The following CACNB2 variants were observed in gnomAD, a reference collection of about 807,000 sequenced individuals.
CACNB2 encodes voltage-dependent L-type calcium channel subunit beta-2.
CACNB2 carries 42 observed loss-of-function variants against 73.3 expected under a neutral mutation model. That is an observed-to-expected ratio of 0.57 (90% CI 0.45 to 0.74). The LOEUF (loss-of-function observed/expected upper bound fraction) is 0.74. CACNB2 is among the 30% of genes least tolerant of loss of function. CACNB2 has a pLI of 0.00. For synonymous variants in CACNB2, 348 were observed against 310.3 expected, an observed-to-expected ratio of 1.12 and a Z score of -1.28; for missense variants, 940 against 853.0, an observed-to-expected ratio of 1.10 and a Z score of -1.27.
chr10:18,517,140 A>G (rs184293634), intron 7 of CACNB2, among the ~76,000 whole-genome samples: 1 of 152,328 alleles, frequency 6.6e-6, no homozygotes, highest in East Asian at 1.9e-4. Context: ...ACATCAGTGT[A>G]CTGAATTCTT....
At chr10:18,333,754 C>G (rs751373869) in intron 2 of CACNB2, among the ~76,000 whole-genome samples, 7 of 152,076 alleles carry the variant, frequency 4.6e-5, no homozygotes, top group Non-Finnish European at 8.8e-5. Context: ...GGCATAAACT[C>G]TAAATTGGGG....
chr10:18,407,440 T>C (rs1389901086), intron 3 of CACNB2, among the ~76,000 whole-genome samples: 1 of 152,068 alleles, frequency 6.6e-6, no homozygotes, highest in Non-Finnish European at 1.5e-5. Context: ...CTTTAAGTTT[T>C]TGATTTTTGT....
chr10:18,422,617 T>C (rs996947289), intron 3 of CACNB2, among the ~76,000 whole-genome samples: 2 of 152,140 alleles, frequency 1.3e-5, no homozygotes, highest in Admixed American at 6.5e-5. Context: ...TTTCACAGCA[T>C]ATTGGGTTAT....
intron 2 of CACNB2, among the ~76,000 whole-genome samples, chr10:18,379,821 G>A (rs1282006937): frequency 6.6e-6 from 1 of 152,000 alleles, no homozygotes; most frequent in African/African-American, 2.4e-5. Flanking sequence ...CAAGTGGCTG[G>A]GACTATAGGC....
At chr10:18,341,598 A>C (rs2041235086) in intron 2 of CACNB2, among the ~76,000 whole-genome samples, 1 of 151,788 alleles carries the variant, frequency 6.6e-6, no homozygotes, top group South Asian at 2.1e-4. Flanking sequence ...AAACATGCAC[A>C]AAAAAAACCC....
intron 10 of CACNB2, 70 bp downstream of exon 10, chr10:18,527,767 C>T (rs1274991001): frequency 1.0e-6 from 1 of 969,974 alleles, no homozygotes; most frequent in African/African-American, 1.6e-5. Context: ...GAAGACCTAA[C>T]AAGATGATAA....
At chr10:18,291,597 A>G (rs1006275246) in intron 2 of CACNB2, among the ~76,000 whole-genome samples, 5 of 152,186 alleles carry the variant, frequency 3.3e-5, no homozygotes, top group Admixed American at 6.5e-5. Flanking sequence ...GTTACTTATG[A>G]TATCTGTGTC....
In CACNB2 at chr10:18,539,862, T is replaced by C; in HGVS notation, c.*138T>C. 1 of 917,060 alleles carries C rather than the reference T, an allele frequency of 1.1e-6. No homozygotes were observed. Among genetic ancestry groups the C allele is most frequent in the Non-Finnish European group, 1.6e-6 (1 of 612,546 alleles). The allele number at this position is 917,060 out of a possible 1,614,324, so 56.8% of individuals were successfully genotyped here. ...TAATATTTTGTATTATTGCTGTTGC[T>C]TGAATAGCAATAGCATGGATAGAGT... On this transcript the variant is annotated 3_prime_UTR_variant, in exon 14 of 14. Coordinates refer to ENST00000324631, the MANE Select transcript of CACNB2 (RefSeq NM_201596.3).
chr10:18,200,581 G>A (rs974207457), intron 2 of CACNB2, among the ~76,000 whole-genome samples: 1 of 151,814 alleles, frequency 6.6e-6, no homozygotes, highest in African/African-American at 2.4e-5. Flanking sequence ...TTACTATTAG[G>A]TATGTTTTCT....
chr10:18,157,083 A>G (rs1184750533), intron 2 of CACNB2, among the ~76,000 whole-genome samples: 1 of 151,826 alleles, frequency 6.6e-6, no homozygotes, highest in East Asian at 1.9e-4. Flanking sequence ...AAAAAAGTGA[A>G]CTGTGGTTTA....
At chr10:18,400,517 A>G (rs1213650521) in intron 2 of CACNB2, 1 of 940,326 alleles carries the variant, frequency 1.1e-6, no homozygotes, top group Admixed American at 5.3e-5. Context: ...AAGGCGACAT[A>G]TGGAGCATGC....
intron 2 of CACNB2, among the ~76,000 whole-genome samples, chr10:18,386,419 T>G (rs1037924295): frequency 6.7e-6 from 1 of 148,352 alleles, no homozygotes; most frequent in Non-Finnish European, 1.5e-5. Flanking sequence ...TTTTTTTTTT[T>G]TGAGACGGAG....
At chr10:18,453,034 G>T (rs530869942) in intron 3 of CACNB2, among the ~76,000 whole-genome samples, 1 of 152,250 alleles carries the variant, frequency 6.6e-6, no homozygotes, top group African/African-American at 2.4e-5. Context: ...ATTCCTCTCT[G>T]TTTCTCTCCC....
rs148215925 is a variant in CACNB2, at chr10:18,327,239, C to A, written c.214-74685C>A. On this transcript the variant is annotated intron_variant, in intron 2 of 13. Transcript: ENST00000324631. The stretch of plus-strand genomic sequence containing the variant: ...AGAAAAGTGACCACAAAAGAGCATA[C>A]CTATTAATTATATAAAGAACATGTT... 4.5e-3 allele frequency among the ~76,000 whole-genome samples: 680 copies of A among 152,146 alleles called. 2 individuals carry two copies. The highest frequency in any genetic ancestry group is 7.8e-3 in the Non-Finnish European group (530 of 67,996).
chr10:18,376,680 G>C (rs1180248237), intron 2 of CACNB2, among the ~76,000 whole-genome samples: 1 of 152,072 alleles, frequency 6.6e-6, no homozygotes, highest in Non-Finnish European at 1.5e-5. Context: ...TGGTGGGGTT[G>C]GACTATCTCT....
At chr10:18,502,856 G>A (rs1428512779) in intron 5 of CACNB2, among the ~76,000 whole-genome samples, 1 of 151,904 alleles carries the variant, frequency 6.6e-6, no homozygotes, top group African/African-American at 2.4e-5. Flanking sequence ...ACCTCCTGGG[G>A]CATTATGTTC....
intron 2 of CACNB2, among the ~76,000 whole-genome samples, chr10:18,188,882 A>G (rs1337429414): frequency 6.6e-6 from 1 of 152,160 alleles, no homozygotes; most frequent in African/African-American, 2.4e-5. Flanking sequence ...GGATCATACT[A>G]TGAAACTTGA....
chr10:18,427,204 G>A (rs888808130), intron 3 of CACNB2, among the ~76,000 whole-genome samples: 19 of 151,898 alleles, frequency 1.3e-4, no homozygotes, highest in South Asian at 2.1e-4. Context: ...ATCCACCTGC[G>A]TCCCTTTTCT....
Position 18,539,889 on chromosome 10 carries a change from T to C in CACNB2, c.*165T>C, listed in dbSNP as rs1439386267. ...GAATAGCAATAGCATGGATAGAGTA[T>C]TGAGATACTTTTTCTTTTGTAAGTG... On this transcript the variant is annotated 3_prime_UTR_variant, in exon 14 of 14. Coordinates refer to ENST00000324631, the MANE Select transcript of CACNB2 (RefSeq NM_201596.3). The C allele has an allele frequency of 1.1e-5, 8 of 761,764 alleles. No individual in the cohort carries two copies. Among genetic ancestry groups the C allele is most frequent in the African/African-American group, 5.2e-5 (3 of 57,178 alleles). The allele number at this position is 761,764 out of a possible 1,614,324, so 47.2% of individuals were successfully genotyped here.
Sources: gnomAD v4.1 joint callset for allele counts (sites outside exome capture counted in the v4.1 genomes callset) on GRCh38, gnomAD v4.1.1 for gene constraint, MANE v1.5 for transcripts, NCBI Gene and HGNC (gene_info 2026-07-23, HGNC 2026-07-21) for gene names.